Variants in CENPU observed in about 807,000 individuals in gnomAD.
CENPU encodes centromere protein U, also known as KSHV latent nuclear antigen interacting protein 1.
CENPU carries 46 observed loss-of-function variants against 56.7 expected under a neutral mutation model. The ratio of observed to expected loss-of-function variants is 0.81; its 90% CI spans 0.64 to 1.04. The LOEUF is 1.04. CENPU is among the 50% of genes least tolerant of loss of function. CENPU has a pLI of 0.00. For synonymous variants in CENPU, 166 were observed against 163.0 expected, an observed-to-expected ratio of 1.02 and a Z score of -0.14; for missense variants, 510 against 490.1, an observed-to-expected ratio of 1.04 and a Z score of -0.38.
chr4:184,733,225 TG>T, intron 1 of CENPU: 1 of 683,552 alleles, frequency 1.5e-6, no homozygotes, highest in Non-Finnish European at 1.8e-6. Flanking sequence ...CACAGAAGTC[TG>T]GTCTCGGTTT....
At chr4:184,701,723 G>C (rs564835958) in intron 10 of CENPU, among the ~76,000 whole-genome samples, 1 of 152,184 alleles carries the variant, frequency 6.6e-6, no homozygotes, top group Admixed American at 6.5e-5. Context: ...TGTGCTTTTC[G>C]ACATCCACAA....
At chr4:184,729,181 T>A in intron 2 of CENPU, 146 bp from the exon 3 acceptor site, 1 of 619,696 alleles carries the variant, frequency 1.6e-6, no homozygotes, top group Non-Finnish European at 2.9e-6. Context: ...CTACCCTGAT[T>A]GGGTCATTAT....
chr4:184,694,945 G>T lies in CENPU; in HGVS notation c.*343C>A. ...ACCAATTTCATTAAAAATTAGCTTT[G>T]GTGTAAATTCAGGAGAAATCGCCTT... is the stretch of plus-strand genomic sequence containing the variant. On this transcript the variant is annotated 3_prime_UTR_variant, in exon 13 of 13. Coordinates refer to ENST00000281453, the MANE Select transcript of CENPU (RefSeq NM_024629.4). The T allele has an allele frequency of 1.7e-6, 1 of 595,474 alleles. No homozygotes were observed. Among genetic ancestry groups the T allele is most frequent in the Non-Finnish European group, 2.9e-6 (1 of 350,212 alleles). 36.9% of individuals were successfully genotyped at this position (595,474 alleles called of 1,614,324 possible).
At chr4:184,705,321 G>C (rs925496811) in intron 8 of CENPU, among the ~76,000 whole-genome samples, 5 of 152,084 alleles carry the variant, frequency 3.3e-5, no homozygotes, top group Admixed American at 3.3e-4. Flanking sequence ...AATCCCAAAA[G>C]GTTGCACACG....
chr4:184,699,909 G>C (rs536294650), intron 11 of CENPU, among the ~76,000 whole-genome samples: 4 of 152,242 alleles, frequency 2.6e-5, no homozygotes, highest in African/African-American at 9.6e-5. Context: ...TGCCCACCTC[G>C]GCCTCCCAAA....
intron 5 of CENPU, among the ~76,000 whole-genome samples, chr4:184,716,917 T>C (rs1444992720): frequency 1.3e-5 from 2 of 152,228 alleles, no homozygotes; most frequent in Non-Finnish European, 2.9e-5. Flanking sequence ...ATGTGAGACC[T>C]CTTTAATGAA....
chr4:184,733,893 T>G, intron 1 of CENPU, 123 bp downstream of exon 1: 1 of 1,320,296 alleles, frequency 7.6e-7, no homozygotes, highest in Non-Finnish European at 1.1e-6. Context: ...CCCGGGCGAT[T>G]GGCCACTCGG....
rs539311347 is a variant in CENPU at position 184,697,727 on chromosome 4, C to T, written c.1063G>A (p.Ala355Thr). The change falls in exon 12 of 13, where the codon GCA becomes ACA. Residue 355 changes from alanine (A) to threonine (T), a missense_variant. Coordinates refer to ENST00000281453, the MANE Select transcript of CENPU (RefSeq NM_024629.4). ...KERKSSLRNA[A>T]YFLSNLKQLY... ...TGTTTTAAATTAGATAAGAAATATGCTGCATTCCTAAGGGAAGACTTTCTC... is the reference window on the plus strand; with the variant it reads ...TGTTTTAAATTAGATAAGAAATATGTTGCATTCCTAAGGGAAGACTTTCTC... 443 of 1,611,806 alleles carry T rather than the reference C, an allele frequency of 2.7e-4. 4 individuals are homozygous for T. The South Asian group carries it at 4.6e-3, about 17-fold the overall frequency.
intron 6 of CENPU, among the ~76,000 whole-genome samples, chr4:184,715,395 T>TA (rs1761055768): frequency 6.9e-6 from 1 of 145,532 alleles, no homozygotes. Context: ...GACTCCAACC[T>TA]CCACCTCCCG....
intron 1 of CENPU, chr4:184,733,451 G>T: frequency 1.0e-6 from 1 of 983,662 alleles, no homozygotes; most frequent in Non-Finnish European, 1.2e-6. Context: ...ACGAATCAGC[G>T]ACCAGCATTC....
intron 4 of CENPU, among the ~76,000 whole-genome samples, chr4:184,723,663 G>A (rs1437715937): frequency 6.6e-5 from 10 of 151,790 alleles, no homozygotes; most frequent in Non-Finnish European, 1.3e-4. Flanking sequence ...CCAACATGGT[G>A]AAACTCCATC....
Position 184,697,725 on chromosome 4 carries a change from T to A in CENPU, c.1065A>T (p.Ala355=). The A allele has an allele frequency of 6.2e-7, 1 of 1,612,344 alleles. No individual in the cohort carries two copies. ...GCTGTTTTAAATTAGATAAGAAATA[T>A]GCTGCATTCCTAAGGGAAGACTTTC... ...KERKSSLRNA[A]YFLSNLKQLY... is the part of the protein sequence containing the mutation. Residue 355 remains alanine, a synonymous_variant, in exon 12 of 13, where the codon GCA becomes GCT. Coordinates refer to ENST00000281453, the MANE Select transcript of CENPU (RefSeq NM_024629.4).
chr4:184,708,217 C>A (rs1579768481), intron 8 of CENPU, among the ~76,000 whole-genome samples: 2 of 99,224 alleles, frequency 2.0e-5, no homozygotes, highest in Admixed American at 2.2e-4. Flanking sequence ...AGTGAGACTC[C>A]ATCTCAAAAA....
chr4:184,713,098 T>C, intron 6 of CENPU, 85 bp from the exon 7 acceptor site: 1 of 900,014 alleles, frequency 1.1e-6, no homozygotes, highest in Non-Finnish European at 1.7e-6. Flanking sequence ...CAAACTGTCA[T>C]TCAATATTTT....
chr4:184,709,910 T>C (rs1760865100), intron 8 of CENPU, among the ~76,000 whole-genome samples, 162 bp downstream of exon 8: 1 of 151,682 alleles, frequency 6.6e-6, no homozygotes. Context: ...AATAAAAACA[T>C]ATGAATTCTT....
chr4:184,712,552 C>T (rs1760960450), intron 7 of CENPU, among the ~76,000 whole-genome samples: 1 of 152,182 alleles, frequency 6.6e-6, no homozygotes, highest in Non-Finnish European at 1.5e-5. Flanking sequence ...TGTAAACACA[C>T]ACTGAACTCC....
Position 184,694,833 on chromosome 4 carries a change from G to A in CENPU, c.*455C>T. On this transcript the variant is annotated 3_prime_UTR_variant, in exon 13 of 13. Transcript: ENST00000281453. ...AGGCTATAATTTGCCTGATGTCTGT[G>A]AGATTTGATAAATATATCATTCAAC... 7.0e-7 allele frequency: 1 copy of A among 1,421,662 alleles called. No individual in the cohort carries two copies. The highest frequency in any genetic ancestry group is 9.8e-7 in the Non-Finnish European group (1 of 1,022,020). 88.1% of individuals were successfully genotyped at this position (1,421,662 alleles called of 1,614,324 possible).
Position 184,734,043 on chromosome 4 carries a change from C to T in CENPU, c.20G>A (p.Arg7Gln), listed in dbSNP as rs564328792. The change falls in exon 1 of 13, where the codon CGG becomes CAG. Residue 7 changes from arginine to glutamine, a missense_variant. By Grantham distance (43) the Arg-to-Gln change is conservative (BLOSUM62 1). Transcript: ENST00000281453. MAPRGR[R>Q]RPRPHRSEGA... ...CTCAGACCTGTGAGGCCGCGGCCGC[C>T]GCCGCCCCCGCGGGGCCATGGTGCC... The T allele has an allele frequency of 3.8e-6, 6 of 1,573,604 alleles. No homozygotes were observed. The highest frequency in any genetic ancestry group is 1.2e-5 in the South Asian group (1 of 86,746).
intron 10 of CENPU, 69 bp downstream of exon 10, chr4:184,702,020 C>T: frequency 1.0e-5 from 10 of 1,002,098 alleles, no homozygotes; most frequent in Non-Finnish European, 1.4e-5. Flanking sequence ...AACCCAGAGT[C>T]AAGTCTTCGC....
Sources: allele counts gnomAD v4.1 joint callset (sites outside exome capture counted in the v4.1 genomes callset), GRCh38; gene constraint gnomAD v4.1.1; transcripts MANE v1.5; gene names NCBI Gene and HGNC (gene_info 2026-07-23, HGNC 2026-07-21).